Variants in WDSUB1 observed in about 807,000 individuals in gnomAD.
WDSUB1 encodes the protein WD repeat, SAM and U-box domain-containing protein 1.
In WDSUB1, 49 loss-of-function variants were observed where a neutral mutation model predicts 53.9. The ratio of observed to expected loss-of-function variants is 0.91; its 90% CI spans 0.72 to 1.15. The LOEUF (loss-of-function observed/expected upper bound fraction) is 1.15. Among genes scored for constraint, WDSUB1 ranks in the 50% most tolerant of loss-of-function variants. The pLI is 0.00. For missense variants in WDSUB1, 514 were observed against 562.0 expected (o/e 0.91, Z 0.86); for synonymous variants, 194 against 200.6 (o/e 0.97, Z 0.28).
intron 5 of WDSUB1, among the ~76,000 whole-genome samples, chr2:159,270,852 C>T (rs1384386104): frequency 3.3e-5 from 5 of 152,046 alleles, no homozygotes; most frequent in African/African-American, 7.3e-5. Context: ...TACACACACA[C>T]ACACATACAT....
rs866150727 is a variant in WDSUB1 at position 159,242,813 on chromosome 2, C to T, written c.1273+5559G>A. On this transcript the variant is annotated intron_variant, in intron 10 of 10. Coordinates refer to ENST00000359774, the MANE Select transcript of WDSUB1 (RefSeq NM_001128212.3). ...TCGCTTGTCTGTTTTTCACTAAGCC[C>T]GTATTACTTTCATAATTTAAAAGTA... Among the ~76,000 whole-genome samples, 8 of 147,360 alleles carry T rather than the reference C, an allele frequency of 5.4e-5. 1 individual carries two copies. The South Asian group carries it at 1.1e-3, about 20-fold the overall frequency.
chr2:159,251,827 C>CT (rs1302924037), intron 9 of WDSUB1, among the ~76,000 whole-genome samples: 1 of 152,198 alleles, frequency 6.6e-6, no homozygotes, highest in Non-Finnish European at 1.5e-5. Context: ...CCAAAAACCT[C>CT]TGACGAAACA....
chr2:159,265,202 T>C (rs577425414), intron 5 of WDSUB1, among the ~76,000 whole-genome samples: 41 of 151,814 alleles, frequency 2.7e-4, no homozygotes, highest in African/African-American at 9.2e-4. Context: ...TGAAGTGGGA[T>C]GACTGTTTGA....
At chr2:159,249,758 G>A (rs1306282432) in intron 9 of WDSUB1, among the ~76,000 whole-genome samples, 1 of 151,868 alleles carries the variant, frequency 6.6e-6, no homozygotes, top group African/African-American at 2.4e-5. Flanking sequence ...CCACCACCAT[G>A]AAACTTACTT....
At chr2:159,278,558 T>C (rs1375072863) in intron 3 of WDSUB1, among the ~76,000 whole-genome samples, 1 of 152,214 alleles carries the variant, frequency 6.6e-6, no homozygotes, top group African/African-American at 2.4e-5. Flanking sequence ...ATCAAAATTA[T>C]ACAGATTTAA....
intron 10 of WDSUB1, among the ~76,000 whole-genome samples, 161 bp from the exon 11 acceptor site, chr2:159,236,351 A>C (rs1164092967): frequency 2.0e-5 from 3 of 152,222 alleles, no homozygotes; most frequent in Non-Finnish European, 4.4e-5. Context: ...CTCTGCCACA[A>C]CACCTGAAAT....
At position 159,271,738 on chromosome 2, in the gene WDSUB1, C is replaced by G; in HGVS notation, c.734G>C (p.Cys245Ser). The G allele has an allele frequency of 6.2e-7, 1 of 1,614,136 alleles. No individual in the cohort carries two copies. Among genetic ancestry groups the G allele is most frequent in the Non-Finnish European group, 8.5e-7 (1 of 1,180,000 alleles). ...LSGHCAPVLA[C>S]AFSHDGQMLV... ...CATCTGCCCATCATGGGAAAAAGCACAAGCCAGAACAGGAGCACAGTGCCC... is the reference window on the plus strand; with the variant it reads ...CATCTGCCCATCATGGGAAAAAGCAGAAGCCAGAACAGGAGCACAGTGCCC... The change falls in exon 5 of 11, where the codon TGT becomes TCT. Residue 245 changes from cysteine (C) to serine (S), a missense_variant. Coordinates refer to ENST00000359774, the MANE Select transcript of WDSUB1 (RefSeq NM_001128212.3).
chr2:159,262,419 G>T (rs1050064958), intron 5 of WDSUB1, among the ~76,000 whole-genome samples: 1 of 152,034 alleles, frequency 6.6e-6, no homozygotes, highest in African/African-American at 2.4e-5. Flanking sequence ...TAGCCATGAG[G>T]GCAGTGGAAT....
intron 10 of WDSUB1, among the ~76,000 whole-genome samples, chr2:159,237,270 A>C (rs2060506900): frequency 6.6e-6 from 1 of 152,214 alleles, no homozygotes; most frequent in Admixed American, 6.5e-5. Context: ...CTGTGATCCC[A>C]GCACTCTGGG....
intron 9 of WDSUB1, among the ~76,000 whole-genome samples, chr2:159,248,816 C>A (rs568124232): frequency 6.6e-6 from 1 of 152,228 alleles, no homozygotes; most frequent in African/African-American, 2.4e-5. Flanking sequence ...ATATTGCCCA[C>A]GCTGGTCTCG....
chr2:159,280,009 T>C, intron 2 of WDSUB1, 64 bp from the exon 3 acceptor site: 1 of 1,424,448 alleles, frequency 7.0e-7, no homozygotes, highest in Non-Finnish European at 9.5e-7. Flanking sequence ...CCACAGTCTC[T>C]AACAGCAGCT....
intron 8 of WDSUB1, among the ~76,000 whole-genome samples, chr2:159,257,005 A>G (rs2061078896): frequency 6.6e-6 from 1 of 152,084 alleles, no homozygotes; most frequent in Admixed American, 6.6e-5. Flanking sequence ...TAAAATTATT[A>G]TTATTATTTT....
rs775373679 is a variant in WDSUB1, at chr2:159,271,808, A to G, written c.677-13T>C. 2 of 1,602,406 alleles carry G rather than the reference A, an allele frequency of 1.2e-6. No individual in the cohort carries two copies. The highest frequency in any genetic ancestry group is 2.2e-5 in the South Asian group (2 of 90,046). On this transcript the variant is annotated splice_polypyrimidine_tract_variant and intron_variant, in intron 4 of 10. Coordinates refer to ENST00000359774, the MANE Select transcript of WDSUB1 (RefSeq NM_001128212.3). ...TTTAATTCAAAACCTGCAAATAACAAGGTAACAGAGATTAGAAAGCTGACC... is the reference window on the plus strand; with the variant it reads ...TTTAATTCAAAACCTGCAAATAACAGGGTAACAGAGATTAGAAAGCTGACC...
chr2:159,266,972 T>C (rs1187146529), intron 5 of WDSUB1, among the ~76,000 whole-genome samples: 1 of 152,020 alleles, frequency 6.6e-6, no homozygotes, highest in Non-Finnish European at 1.5e-5. Flanking sequence ...CAGGTCTTCC[T>C]ATGTTGCCCA....
chr2:159,279,587 A>G (rs1392783635), intron 3 of WDSUB1, among the ~76,000 whole-genome samples, 174 bp downstream of exon 3: 2 of 152,214 alleles, frequency 1.3e-5, no homozygotes, highest in African/African-American at 4.8e-5. Context: ...ATATTTTTTC[A>G]TGATTTCATT....
rs2061097154 is a variant in WDSUB1 at position 159,257,752 on chromosome 2, A to G, written c.952+6T>C. ...GAAATGAGTGAAAAATGATGTCCTT[A>G]CTAACCTTGGCAAAGTGTTTCCAGG... is the stretch of plus-strand genomic sequence containing the variant. On this transcript the variant is annotated splice_donor_region_variant and intron_variant, in intron 8 of 10. Coordinates refer to ENST00000359774, the MANE Select transcript of WDSUB1 (RefSeq NM_001128212.3). The G allele has an allele frequency of 1.9e-6, 3 of 1,611,288 alleles. No homozygotes were observed. The highest frequency in any genetic ancestry group is 2.5e-6 in the Non-Finnish European group (3 of 1,177,480).
chr2:159,284,782 T>C (rs2061752180), intron 1 of WDSUB1, among the ~76,000 whole-genome samples: 1 of 152,246 alleles, frequency 6.6e-6, no homozygotes, highest in African/African-American at 2.4e-5. Flanking sequence ...CAAAATCCTA[T>C]ATAATTCCCG....
intron 10 of WDSUB1, among the ~76,000 whole-genome samples, chr2:159,247,916 TATATATATATAA>T (rs1231482073): frequency 0.016 from 1,175 of 73,436 alleles, 65 homozygotes; most frequent in South Asian, 0.031. Context: ...TATAAATATA[TATATATATATAA>T]ATATATATAT....
intron 5 of WDSUB1, among the ~76,000 whole-genome samples, chr2:159,265,398 CTG>C (rs1323820136): frequency 6.6e-6 from 1 of 152,152 alleles, no homozygotes; most frequent in East Asian, 1.9e-4. Flanking sequence ...ATCCTAAACT[CTG>C]AGACCTTCTG....
Sources: gnomAD v4.1 joint callset for allele counts (sites outside exome capture counted in the v4.1 genomes callset) on GRCh38, gnomAD v4.1.1 for gene constraint, MANE v1.5 for transcripts, NCBI Gene and HGNC (gene_info 2026-07-23, HGNC 2026-07-21) for gene names.